The following SLC10A7 variants were observed in gnomAD, a reference collection of about 807,000 sequenced individuals.
SLC10A7 encodes solute carrier family 10 member 7, also known as sodium/bile acid cotransporter 7.
A neutral mutation model predicts 43.2 loss-of-function variants in SLC10A7; 29 were observed. The ratio of observed to expected loss-of-function variants is 0.67; its 90% CI spans 0.50 to 0.92. The LOEUF is 0.92. SLC10A7 is among the 40% of genes least tolerant of loss of function. The probability of loss-of-function intolerance (pLI) is 0.00; values close to 1 mark genes in which losing one functional copy is unlikely to be tolerated. For synonymous variants in SLC10A7, 152 were observed against 144.8 expected, an observed-to-expected ratio of 1.05 and a Z score of -0.35; for missense variants, 295 against 403.2, an observed-to-expected ratio of 0.73 and a Z score of 2.30.
chr4:146,325,957 T>C lies in SLC10A7; in HGVS notation c.471+4A>G. 1 of 1,610,698 alleles carries C rather than the reference T, an allele frequency of 6.2e-7. No homozygotes were observed. On this transcript the variant is annotated splice_donor_region_variant and intron_variant, in intron 6 of 11. Coordinates refer to ENST00000335472, the MANE Select transcript of SLC10A7 (RefSeq NM_001029998.6). ...TATATTAAAGACAACATCAAAATAC[T>C]CACAAAAAGCAGCAGGAGCAGGGGT...
intron 5 of SLC10A7, among the ~76,000 whole-genome samples, chr4:146,369,813 T>C (rs1367751778): frequency 1.3e-5 from 2 of 152,174 alleles, no homozygotes; most frequent in Admixed American, 1.3e-4. Flanking sequence ...AATGATACTA[T>C]AAGCATAAAA....
At chr4:146,372,208 C>G (rs1448202740) in intron 5 of SLC10A7, among the ~76,000 whole-genome samples, 1 of 152,046 alleles carries the variant, frequency 6.6e-6, no homozygotes, top group East Asian at 1.9e-4. Context: ...AATTCTAGCA[C>G]TCTGGGAGGC....
At chr4:146,432,274 T>C (rs920124085) in intron 5 of SLC10A7, among the ~76,000 whole-genome samples, 3 of 152,154 alleles carry the variant, frequency 2.0e-5, no homozygotes, top group African/African-American at 4.8e-5. Context: ...TCAGCATAAA[T>C]ATTTTCCCAA....
intron 5 of SLC10A7, among the ~76,000 whole-genome samples, chr4:146,432,125 T>C (rs1002439813): frequency 6.6e-6 from 1 of 152,276 alleles, no homozygotes; most frequent in East Asian, 1.9e-4. Flanking sequence ...ATAAAAAATA[T>C]TGCGAATGTC....
At chr4:146,488,890 C>T (rs1735144007) in intron 4 of SLC10A7, among the ~76,000 whole-genome samples, 2 of 152,154 alleles carry the variant, frequency 1.3e-5, no homozygotes, top group Admixed American at 1.3e-4. Context: ...AATCAATACA[C>T]TTATAAGGCT....
intron 6 of SLC10A7, among the ~76,000 whole-genome samples, chr4:146,308,434 G>A (rs1299652412): frequency 6.6e-6 from 1 of 152,106 alleles, no homozygotes; most frequent in Admixed American, 6.5e-5. Flanking sequence ...CAAGCATCTG[G>A]CACAGCGCAG....
At chr4:146,382,684 A>G (rs1351681363) in intron 5 of SLC10A7, among the ~76,000 whole-genome samples, 1 of 152,196 alleles carries the variant, frequency 6.6e-6, no homozygotes, top group Non-Finnish European at 1.5e-5. Context: ...GCTTTTTAAT[A>G]TAAATAATGT....
intron 5 of SLC10A7, among the ~76,000 whole-genome samples, chr4:146,391,044 T>C (rs143542612): frequency 6.6e-6 from 1 of 152,142 alleles, no homozygotes; most frequent in Non-Finnish European, 1.5e-5. Context: ...TAGTTAAATG[T>C]GTGTGTGTTG....
At chr4:146,367,829 G>A (rs1736501598) in intron 5 of SLC10A7, among the ~76,000 whole-genome samples, 1 of 152,080 alleles carries the variant, frequency 6.6e-6, no homozygotes, top group African/African-American at 2.4e-5. Context: ...TATTCACAAA[G>A]TGACTTCAGG....
intron 9 of SLC10A7, among the ~76,000 whole-genome samples, chr4:146,288,251 C>T (rs1464510804): frequency 6.6e-6 from 1 of 152,146 alleles, no homozygotes; most frequent in African/African-American, 2.4e-5. Context: ...AGCGCTGTAT[C>T]GGGGAAAGCT....
chr4:146,473,715 TA>T (rs777683094), intron 4 of SLC10A7, among the ~76,000 whole-genome samples: 17 of 151,374 alleles, frequency 1.1e-4, no homozygotes, highest in African/African-American at 3.4e-4. Flanking sequence ...TCAAGTATTT[TA>T]AAAAAAAATG....
chr4:146,507,039 A>G (rs1287423567), intron 3 of SLC10A7, among the ~76,000 whole-genome samples: 2 of 152,210 alleles, frequency 1.3e-5, no homozygotes, highest in Admixed American at 1.3e-4. Flanking sequence ...TCATTACCAC[A>G]ATCAAACTAA....
chr4:146,383,560 C>T (rs1405664814), intron 5 of SLC10A7, among the ~76,000 whole-genome samples: 1 of 152,170 alleles, frequency 6.6e-6, no homozygotes, highest in Admixed American at 6.6e-5. Context: ...CCTGCTCCCA[C>T]CCTGTGGAGT....
intron 5 of SLC10A7, among the ~76,000 whole-genome samples, chr4:146,414,817 A>G (rs1451736134): frequency 3.3e-5 from 5 of 152,174 alleles, no homozygotes; most frequent in African/African-American, 9.7e-5. Context: ...TGAAAGTAAA[A>G]TACTCAACAG....
chr4:146,275,815 A>G (rs1221116715), intron 10 of SLC10A7, among the ~76,000 whole-genome samples: 2 of 151,584 alleles, frequency 1.3e-5, no homozygotes, highest in African/African-American at 4.9e-5. Flanking sequence ...ATACACTAGT[A>G]GTTCAACACA....
At chr4:146,384,431 T>C (rs962103094) in intron 5 of SLC10A7, among the ~76,000 whole-genome samples, 11 of 152,128 alleles carry the variant, frequency 7.2e-5, no homozygotes, top group African/African-American at 1.9e-4. Flanking sequence ...ATAAAATCAA[T>C]GTAAAAAGAC....
At chr4:146,302,626 G>A (rs1300810959) in intron 7 of SLC10A7, among the ~76,000 whole-genome samples, 1 of 152,020 alleles carries the variant, frequency 6.6e-6, no homozygotes, top group Non-Finnish European at 1.5e-5. Flanking sequence ...GAGGTGGGAG[G>A]GTAGGCAGAA....
intron 7 of SLC10A7, among the ~76,000 whole-genome samples, chr4:146,298,180 G>A (rs1669877219): frequency 2.0e-5 from 3 of 152,296 alleles, no homozygotes; most frequent in South Asian, 4.1e-4. Context: ...AACAGTAGTT[G>A]TCTTGAGGAT....
At chr4:146,277,907 G>A (rs1219954872) in intron 10 of SLC10A7, among the ~76,000 whole-genome samples, 1 of 152,058 alleles carries the variant, frequency 6.6e-6, no homozygotes, top group Non-Finnish European at 1.5e-5. Context: ...GCCACATGGA[G>A]TATATGTTTA....
Sources: gnomAD v4.1 joint callset for allele counts (sites outside exome capture counted in the v4.1 genomes callset) on GRCh38, gnomAD v4.1.1 for gene constraint, MANE v1.5 for transcripts, NCBI Gene and HGNC (gene_info 2026-07-23, HGNC 2026-07-21) for gene names.